DAOA: variants seen among roughly 807,000 people sequenced by gnomAD.
The protein encoded by DAOA is D-amino acid oxidase regulator.
In DAOA, 15 loss-of-function variants were observed where a neutral mutation model predicts 16.4. The observed-to-expected ratio is 0.91, with a 90% CI of 0.61 to 1.41. The LOEUF (loss-of-function observed/expected upper bound fraction) is 1.41, where lower values mean the gene tolerates loss of function less well. Ranked by LOEUF, DAOA falls within the 40% of genes most tolerant of loss-of-function variation. DAOA has a pLI of 0.00. For synonymous variants in DAOA, 75 were observed against 59.1 expected (o/e 1.27, Z -1.23); for missense variants, 230 against 176.8 (o/e 1.30, Z -1.71).
At chr13:105,485,800 C>T (rs2139201844) in intron 4 of DAOA, among the ~76,000 whole-genome samples, 1 of 152,278 alleles carries the variant, frequency 6.6e-6, no homozygotes, top group African/African-American at 2.4e-5. Flanking sequence ...AAGCAAGGAG[C>T]TCCATGGATT....
intron 4 of DAOA, among the ~76,000 whole-genome samples, chr13:105,484,784 G>C (rs1299332809): frequency 3.9e-5 from 6 of 151,926 alleles, no homozygotes; most frequent in Admixed American, 1.3e-4. Flanking sequence ...ATACAATTTG[G>C]ATGCCTTTTA....
intron 4 of DAOA, among the ~76,000 whole-genome samples, chr13:105,477,968 A>C (rs1328487672): frequency 3.9e-5 from 6 of 152,200 alleles, no homozygotes; most frequent in Non-Finnish European, 7.3e-5. Flanking sequence ...CCTCAAACCA[A>C]AATAGAATCT....
chr13:105,470,745 G>C (rs1181762833), intron 3 of DAOA, among the ~76,000 whole-genome samples: 1 of 152,022 alleles, frequency 6.6e-6, no homozygotes, highest in African/African-American at 2.4e-5. Context: ...AAGCAGCTGA[G>C]ACTACAGGCA....
intron 3 of DAOA, among the ~76,000 whole-genome samples, chr13:105,472,312 G>A (rs947859504): frequency 2.0e-5 from 3 of 152,190 alleles, no homozygotes; most frequent in African/African-American, 7.2e-5. Context: ...GATCCAGAGA[G>A]AGAAGCCACC....
At chr13:105,490,493 T>C (rs1372284857) in intron 5 of DAOA, 3 of 152,432 alleles carry the variant, frequency 2.0e-5, no homozygotes, top group African/African-American at 7.2e-5. Flanking sequence ...TTTATCCAAA[T>C]AGTAATGATG....
At chr13:105,490,315 C>A (rs538432496) in intron 5 of DAOA, 123 bp downstream of exon 5, 43 of 336,482 alleles carry the variant, frequency 1.3e-4, no homozygotes, top group Non-Finnish European at 1.9e-4. Context: ...TAATCAAAAT[C>A]CTCTCCTCTT....
At chr13:105,478,833 A>C (rs1877517741) in intron 4 of DAOA, among the ~76,000 whole-genome samples, 1 of 152,232 alleles carries the variant, frequency 6.6e-6, no homozygotes, top group Non-Finnish European at 1.5e-5. Flanking sequence ...GCCAAACACC[A>C]ATACCCATGC....
chr13:105,486,615 T>G, intron 4 of DAOA, among the ~76,000 whole-genome samples: 1 of 129,242 alleles, frequency 7.7e-6, no homozygotes, highest in East Asian at 2.1e-4. Flanking sequence ...TTTTCTTTCT[T>G]TCTTTCTTTT....
At chr13:105,489,653 C>A (rs1878366360) in intron 4 of DAOA, 1 of 845,582 alleles carries the variant, frequency 1.2e-6, no homozygotes. Flanking sequence ...TCCTACAATT[C>A]TTTATGCTTT....
chr13:105,474,407 G>C (rs1877201002), intron 4 of DAOA, among the ~76,000 whole-genome samples: 1 of 151,994 alleles, frequency 6.6e-6, no homozygotes, highest in South Asian at 2.1e-4. Context: ...ATGATCATTT[G>C]TAATACATAG....
intron 4 of DAOA, among the ~76,000 whole-genome samples, chr13:105,473,755 A>C (rs550840767): frequency 6.6e-6 from 1 of 152,132 alleles, no homozygotes. Flanking sequence ...GCTATAGTTT[A>C]TCGGTGTGAA....
At chr13:105,474,367 C>T (rs925880971) in intron 4 of DAOA, among the ~76,000 whole-genome samples, 1 of 151,542 alleles carries the variant, frequency 6.6e-6, no homozygotes, top group African/African-American at 2.4e-5. Flanking sequence ...TGTGCATGCG[C>T]GTGTGTGTGT....
At chr13:105,474,078 G>A (rs189744901) in intron 4 of DAOA, among the ~76,000 whole-genome samples, 30 of 152,018 alleles carry the variant, frequency 2.0e-4, no homozygotes, top group African/African-American at 5.5e-4. Flanking sequence ...TTATTTATCC[G>A]TGTTGAATAT....
intron 4 of DAOA, among the ~76,000 whole-genome samples, chr13:105,477,432 T>C (rs1248448613): frequency 6.6e-6 from 1 of 152,158 alleles, no homozygotes; most frequent in Admixed American, 6.5e-5. Context: ...AAACTGAATG[T>C]AAAAATTAGA....
intron 3 of DAOA, 61 bp downstream of exon 3, chr13:105,467,202 G>A: frequency 6.8e-7 from 1 of 1,474,554 alleles, no homozygotes; most frequent in Non-Finnish European, 9.2e-7. Context: ...TAAAACTGTG[G>A]TAAAGCTACA....
chr13:105,490,240 A>G, intron 5 of DAOA, 48 bp downstream of exon 5: 1 of 928,384 alleles, frequency 1.1e-6, no homozygotes, highest in Non-Finnish European at 1.4e-6. Context: ...TTTATGAAAT[A>G]TAATTTTTAT....
At chr13:105,484,607 A>G (rs1877983015) in intron 4 of DAOA, among the ~76,000 whole-genome samples, 1 of 152,158 alleles carries the variant, frequency 6.6e-6, no homozygotes, top group African/African-American at 2.4e-5. Flanking sequence ...ATTCAATTAC[A>G]TATTGTTCTT....
chr13:105,481,185 A>G (rs1475713055), intron 4 of DAOA, among the ~76,000 whole-genome samples: 1 of 152,152 alleles, frequency 6.6e-6, no homozygotes, highest in African/African-American at 2.4e-5. Flanking sequence ...ATTTTGCTTT[A>G]TAATAGCAAT....
At position 105,467,129 on chromosome 13, in the gene DAOA, CTAAACTCTA is replaced by C; in HGVS notation, c.123_131del (p.Asn42_Ile44del). 6.2e-7 allele frequency: 1 copy of C among 1,609,018 alleles called. No homozygotes were observed. The highest frequency in any genetic ancestry group is 8.5e-7 in the Non-Finnish European group (1 of 1,176,792). On this transcript the variant is annotated inframe_deletion, in exon 3 of 6. Transcript: ENST00000375936. ...TCTTCTGAGCAAATCTGAAAACTCT[CTAAACTCTA>C]TTGGTATGTTACTCTTTATCTTTAT... is the stretch of plus-strand genomic sequence containing the variant.
Sources: allele counts gnomAD v4.1 joint callset (sites outside exome capture counted in the v4.1 genomes callset), GRCh38; gene constraint gnomAD v4.1.1; transcripts MANE v1.5; gene names NCBI Gene and HGNC (gene_info 2026-07-23, HGNC 2026-07-21).